TNS3: variants seen among roughly 807,000 people sequenced by gnomAD.
The protein encoded by TNS3 is tensin 3, also known as tensin-3.
Under a neutral mutation model 140.9 loss-of-function variants are expected in TNS3, and 45 were observed. That is an observed-to-expected ratio of 0.32 (90% CI 0.25 to 0.41). The LOEUF (loss-of-function observed/expected upper bound fraction) is 0.41. Among genes scored for constraint, TNS3 ranks in the 10% least tolerant of loss-of-function variants. The pLI, the probability that TNS3 is intolerant of heterozygous loss-of-function variation, is 1.00. For missense variants in TNS3, 1,716 were observed against 1,906.7 expected (o/e 0.90, Z 1.86); for synonymous variants, 815 against 788.4 (o/e 1.03, Z -0.56).
At chr7:47,488,808 G>A (rs1310143766) in intron 3 of TNS3, among the ~76,000 whole-genome samples, 1 of 150,412 alleles carries the variant, frequency 6.6e-6, no homozygotes, top group Non-Finnish European at 1.5e-5. Context: ...GAGGCCGGGG[G>A]CTCCTGACAT....
chr7:47,470,364 TA>T (rs1285501143), intron 4 of TNS3: 27 of 823,128 alleles, frequency 3.3e-5, no homozygotes, highest in Non-Finnish European at 3.8e-5. Flanking sequence ...AAAACAACTT[TA>T]AAAATCTTAA....
At chr7:47,480,831 A>C (rs1204105274) in intron 4 of TNS3, among the ~76,000 whole-genome samples, 2 of 152,226 alleles carry the variant, frequency 1.3e-5, no homozygotes, top group African/African-American at 4.8e-5. Flanking sequence ...AACTCGGCCC[A>C]GGGAGATTCG....
intron 2 of TNS3, among the ~76,000 whole-genome samples, chr7:47,521,475 A>C (rs891046150): frequency 1.3e-5 from 2 of 152,232 alleles, no homozygotes; most frequent in Non-Finnish European, 2.9e-5. Context: ...TCTGGTGAAC[A>C]ACACAGAGCC....
At chr7:47,475,162 G>A (rs536833353) in intron 4 of TNS3, among the ~76,000 whole-genome samples, 12 of 152,084 alleles carry the variant, frequency 7.9e-5, no homozygotes, top group Non-Finnish European at 1.6e-4. Flanking sequence ...ACAGACACAC[G>A]CATCTTGCAC....
At chr7:47,518,893 G>A (rs963712185) in intron 2 of TNS3, among the ~76,000 whole-genome samples, 3 of 152,188 alleles carry the variant, frequency 2.0e-5, no homozygotes, top group Admixed American at 6.5e-5. Context: ...GAGATCACAG[G>A]TTTAACCTTT....
At chr7:47,346,437 G>T (rs1166010044) in intron 17 of TNS3, 81 bp from the exon 18 acceptor site, 2 of 1,533,442 alleles carry the variant, frequency 1.3e-6, no homozygotes, top group African/African-American at 1.4e-5. Flanking sequence ...CTTGCCTGCT[G>T]CTTCTCAAAG....
chr7:47,303,268 C>T lies in TNS3; in HGVS notation c.3139G>A (p.Ala1047Thr). 4 of 1,613,694 alleles carry T rather than the reference C, an allele frequency of 2.5e-6. No individual in the cohort carries two copies. The highest frequency in any genetic ancestry group is 1.1e-5 in the South Asian group (1 of 91,074). The change falls in exon 22 of 31, where the codon GCG becomes ACG. Residue 1047 changes from alanine to threonine, a missense_variant. Around this residue, in one of 3 missense-constraint regions of TNS3, gnomAD observed 1,163 missense variants for 1,182.1 expected, o/e 0.98. Transcript: ENST00000311160. ...LGALLANSHG[A>T]SPTPSIPLTA... ...AGCGGGATGCTGGGGGTCGGTGACG[C>T]TCCATGAGAATTGGCCAGCAAGGCC...
intron 8 of TNS3, 79 bp downstream of exon 8, chr7:47,435,203 G>A: frequency 6.3e-7 from 1 of 1,578,874 alleles, no homozygotes; most frequent in Non-Finnish European, 8.6e-7. Context: ...AATGTGCTCA[G>A]ATGCAGCATT....
chr7:47,581,793 C>G (rs1451135690), intron 1 of TNS3, among the ~76,000 whole-genome samples: 1 of 151,764 alleles, frequency 6.6e-6, no homozygotes, highest in Non-Finnish European at 1.5e-5. Flanking sequence ...ACCCCTTGCC[C>G]GTGCGCCCCC....
intron 3 of TNS3, among the ~76,000 whole-genome samples, chr7:47,499,711 G>C (rs1798139603): frequency 6.6e-6 from 1 of 152,218 alleles, no homozygotes; most frequent in Non-Finnish European, 1.5e-5. Context: ...CGGGGTGCAG[G>C]AGAGAGAAGC....
rs374972751 is a variant in TNS3, at chr7:47,486,477, T to C, written c.-114-5336A>G. On this transcript the variant is annotated intron_variant, in intron 3 of 30. Transcript: ENST00000311160. ...CTGCAGTTCCATCCCCCAAGGTGAATGAAAGCACTTCAGCTAACAAGTACA... is the reference window on the plus strand; with the variant it reads ...CTGCAGTTCCATCCCCCAAGGTGAACGAAAGCACTTCAGCTAACAAGTACA... 9.2e-5 allele frequency among the ~76,000 whole-genome samples: 14 copies of C among 152,294 alleles called. No homozygotes were observed. The South Asian group carries it at 2.9e-3, about 32-fold the overall frequency.
chr7:47,434,720 C>T (rs1201156236), intron 8 of TNS3, among the ~76,000 whole-genome samples: 1 of 152,198 alleles, frequency 6.6e-6, no homozygotes, highest in East Asian at 1.9e-4. Context: ...CAGCTATGCA[C>T]CTGGGCTGCT....
intron 4 of TNS3, among the ~76,000 whole-genome samples, chr7:47,458,373 C>G (rs1052737481): frequency 5.9e-5 from 9 of 152,240 alleles, no homozygotes; most frequent in African/African-American, 2.2e-4. Context: ...GATGTGTCCT[C>G]TAACCTCTGA....
intron 1 of TNS3, among the ~76,000 whole-genome samples, chr7:47,569,870 C>A (rs142241221): frequency 7.2e-6 from 1 of 139,070 alleles, no homozygotes; most frequent in African/African-American, 2.7e-5. Flanking sequence ...AAGAATAGGT[C>A]GGGCGTGGTG....
chr7:47,538,852 A>T (rs334507), intron 1 of TNS3, among the ~76,000 whole-genome samples: 49,277 of 152,000 alleles, frequency 0.32, 8,181 homozygotes, highest in East Asian at 0.44. Context: ...TTTTCTGTAT[A>T]CATTCATCAT....
At chr7:47,518,955 T>C (rs1317234741) in intron 2 of TNS3, among the ~76,000 whole-genome samples, 1 of 152,206 alleles carries the variant, frequency 6.6e-6, no homozygotes, top group African/African-American at 2.4e-5. Flanking sequence ...AATAGGACAC[T>C]GAATCAGCTG....
At chr7:47,454,001 C>T (rs1299179878) in intron 4 of TNS3, among the ~76,000 whole-genome samples, 2 of 152,230 alleles carry the variant, frequency 1.3e-5, no homozygotes, top group Non-Finnish European at 2.9e-5. Context: ...CTTACATGCA[C>T]TTACATTCTT....
At chr7:47,578,014 TA>T (rs575331402) in intron 1 of TNS3, among the ~76,000 whole-genome samples, 1,384 of 136,720 alleles carry the variant, frequency 0.01, 2 homozygotes, top group African/African-American at 0.019. Context: ...TACTGCCTTC[TA>T]AAAAAAAAAA....
chr7:47,368,829 T>C lies in TNS3; in HGVS notation c.1817A>G (p.Asp606Gly), dbSNP rs73326532. ...GCGGCTCACCAGCCGGGCCTCCCCA[T>C]CTGGGGCGAAGCTATACTGGTGAGC... is the stretch of plus-strand genomic sequence containing the variant. ...VVAHQYSFAP[D>G]GEARLVSRCP... The change falls in exon 17 of 31, where the codon GAT (aspartate) becomes GGT (glycine). Residue 606 changes from aspartate (D) to glycine (G), a missense_variant. By Grantham distance (94) the Asp-to-Gly change is moderately conservative. Around this residue, in one of 3 missense-constraint regions of TNS3, gnomAD observed 1,163 missense variants for 1,182.1 expected, o/e 0.98. Coordinates refer to ENST00000311160, the MANE Select transcript of TNS3 (RefSeq NM_022748.12). 201 of 1,612,874 alleles carry C rather than the reference T, an allele frequency of 1.2e-4. No individual in the cohort carries two copies. The African/African-American group carries it at 2.5e-3, about 20-fold the overall frequency.
Sources: gnomAD v4.1 joint callset for allele counts (sites outside exome capture counted in the v4.1 genomes callset) on GRCh38, gnomAD v4.1.1 for gene constraint, gnomAD v4.1.1 regional missense constraint, MANE v1.5 for transcripts, NCBI Gene and HGNC (gene_info 2026-07-23, HGNC 2026-07-21) for gene names.